NALF1: variants seen among roughly 807,000 people sequenced by gnomAD.
The protein encoded by NALF1 is family with sequence similarity 155 member A.
NALF1 carries 3 observed loss-of-function variants against 48.4 expected under a neutral mutation model. The ratio of observed to expected loss-of-function variants is 0.06; its 90% CI spans 0.03 to 0.16. NALF1 has a LOEUF of 0.16. Ranked by LOEUF, NALF1 falls within the 10% of genes least tolerant of loss-of-function variation. The pLI is 1.00. For synonymous variants in NALF1, 262 were observed against 245.7 expected (o/e 1.07, Z -0.62); for missense variants, 526 against 571.5 (o/e 0.92, Z 0.81).
intron 1 of NALF1, among the ~76,000 whole-genome samples, chr13:107,854,343 T>C (rs905451279): frequency 1.3e-5 from 2 of 152,280 alleles, no homozygotes; most frequent in Non-Finnish European, 2.9e-5. Context: ...TTTCACTATT[T>C]CATCTGGACT....
intron 2 of NALF1, among the ~76,000 whole-genome samples, chr13:107,205,698 C>G (rs1197778609): frequency 6.6e-6 from 1 of 152,198 alleles, no homozygotes; most frequent in Admixed American, 6.5e-5. Flanking sequence ...TAACCCCCAG[C>G]AGACCAACTT....
In NALF1 at chr13:107,860,686, C is replaced by G. The variant is rs186909883; in HGVS notation, c.915+4996G>C. ...CTTAGTCATTGTGAGAGCAACACAGCGGATAAAGATTTTAAAAGAAATTGA... is the reference window on the plus strand; with the variant it reads ...CTTAGTCATTGTGAGAGCAACACAGGGGATAAAGATTTTAAAAGAAATTGA... On this transcript the variant is annotated intron_variant, in intron 1 of 2. Transcript: ENST00000375915. Among the ~76,000 whole-genome samples, 52 of 152,160 alleles carry G rather than the reference C, an allele frequency of 3.4e-4. No individual in the cohort carries two copies. The South Asian group carries it at 3.7e-3, about 11-fold the overall frequency.
intron 1 of NALF1, among the ~76,000 whole-genome samples, chr13:107,843,956 A>G (rs1164739151): frequency 6.6e-6 from 1 of 152,178 alleles, no homozygotes; most frequent in Non-Finnish European, 1.5e-5. Context: ...ACAGTGTTGC[A>G]AAAGTAGGTT....
chr13:107,235,150 A>G (rs768269071), intron 1 of NALF1, among the ~76,000 whole-genome samples: 4 of 152,230 alleles, frequency 2.6e-5, no homozygotes, highest in Non-Finnish European at 5.9e-5. Context: ...TCATCGTTGT[A>G]TAACTTATTA....
intron 1 of NALF1, among the ~76,000 whole-genome samples, chr13:107,556,344 T>C (rs1013884565): frequency 6.1e-5 from 9 of 147,494 alleles, no homozygotes; most frequent in South Asian, 2.1e-4. Flanking sequence ...CACACATATA[T>C]ATATATAGAG....
intron 1 of NALF1, among the ~76,000 whole-genome samples, chr13:107,269,811 TC>T (rs1219407931): frequency 6.6e-6 from 1 of 151,262 alleles, no homozygotes; most frequent in African/African-American, 2.4e-5. Context: ...GAAATATGTT[TC>T]TTTTTTTTTT....
chr13:107,830,532 T>G (rs1879686717), intron 1 of NALF1, among the ~76,000 whole-genome samples: 1 of 152,226 alleles, frequency 6.6e-6, no homozygotes, highest in African/African-American at 2.4e-5. Context: ...CCCTGATGAT[T>G]AGAAATATTT....
At chr13:107,271,789 T>C (rs1881172837) in intron 1 of NALF1, among the ~76,000 whole-genome samples, 1 of 77,938 alleles carries the variant, frequency 1.3e-5, no homozygotes, top group Non-Finnish European at 3.4e-5. Flanking sequence ...TATATATATA[T>C]ATATATATAT....
At chr13:107,251,512 G>A (rs1445307927) in intron 1 of NALF1, among the ~76,000 whole-genome samples, 1 of 152,200 alleles carries the variant, frequency 6.6e-6, no homozygotes, top group Non-Finnish European at 1.5e-5. Context: ...TCTCATTAAA[G>A]AGAGAAGCCC....
intron 1 of NALF1, among the ~76,000 whole-genome samples, chr13:107,692,183 T>A (rs1385769164): frequency 6.6e-6 from 1 of 152,200 alleles, no homozygotes; most frequent in Admixed American, 6.5e-5. Flanking sequence ...TGATTTTGAA[T>A]ATGAAAAGTT....
intron 1 of NALF1, among the ~76,000 whole-genome samples, chr13:107,237,808 C>CAT (rs1880383382): frequency 6.6e-6 from 1 of 152,140 alleles, no homozygotes; most frequent in African/African-American, 2.4e-5. Context: ...ATATTATATG[C>CAT]ATATATGTAT....
chr13:107,517,655 AC>A (rs1876105096), intron 1 of NALF1, among the ~76,000 whole-genome samples: 1 of 140,962 alleles, frequency 7.1e-6, no homozygotes, highest in Non-Finnish European at 1.5e-5. Context: ...AAACAAACAA[AC>A]AAACAAAAAA....
At chr13:107,313,491 A>G (rs546340297) in intron 1 of NALF1, among the ~76,000 whole-genome samples, 4 of 152,266 alleles carry the variant, frequency 2.6e-5, no homozygotes, top group African/African-American at 9.6e-5. Flanking sequence ...TGTCCACAAG[A>G]AAATTCCTTG....
At chr13:107,416,003 AT>A (rs34177988) in intron 1 of NALF1, among the ~76,000 whole-genome samples, 5 of 148,690 alleles carry the variant, frequency 3.4e-5, no homozygotes, top group African/African-American at 9.9e-5. Context: ...TTATATGCAG[AT>A]TTTTTTTTCT....
intron 1 of NALF1, among the ~76,000 whole-genome samples, chr13:107,348,331 T>TACG (rs1882810571): frequency 6.6e-6 from 1 of 152,240 alleles, no homozygotes; most frequent in Admixed American, 6.5e-5. Context: ...TTAAAAGTGT[T>TACG]ACGTTCACTC....
intron 1 of NALF1, among the ~76,000 whole-genome samples, chr13:107,705,042 C>G (rs146132669): frequency 1.2e-3 from 189 of 152,276 alleles, no homozygotes; most frequent in Middle Eastern, 3.4e-3. Context: ...ACTTTAAATA[C>G]ATTCTCTCAT....
intron 1 of NALF1, among the ~76,000 whole-genome samples, chr13:107,281,340 G>C (rs1483915605): frequency 6.6e-6 from 1 of 152,210 alleles, no homozygotes; most frequent in African/African-American, 2.4e-5. Context: ...TGCACAGCAG[G>C]AAGGAGCAGA....
chr13:107,757,273 T>C (rs1175109354), intron 1 of NALF1, among the ~76,000 whole-genome samples: 2 of 152,132 alleles, frequency 1.3e-5, no homozygotes, highest in Non-Finnish European at 2.9e-5. Flanking sequence ...AGACATCCCA[T>C]AAATGTTACT....
At position 107,826,445 on chromosome 13, in the gene NALF1, GAA is replaced by G. The variant is rs141956777; in HGVS notation, c.915+39235_915+39236del. 8.4e-3 allele frequency among the ~76,000 whole-genome samples: 1,287 copies of G among 152,312 alleles called. 14 individuals carry two copies. The highest frequency in any genetic ancestry group is 0.029 in the African/African-American group (1,224 of 41,568). ...CAATAGCATGTGCATGCTTAAAACA[GAA>G]GAGAGGGGCATGAAAGAGCGGGAAA... On this transcript the variant is annotated intron_variant, in intron 1 of 2. Coordinates refer to ENST00000375915, the MANE Select transcript of NALF1 (RefSeq NM_001080396.3).
Sources: allele counts gnomAD v4.1 joint callset (sites outside exome capture counted in the v4.1 genomes callset), GRCh38; gene constraint gnomAD v4.1.1; transcripts MANE v1.5; gene names NCBI Gene and HGNC (gene_info 2026-07-23, HGNC 2026-07-21).